Variants in EXT2 observed in about 807,000 individuals in gnomAD.
EXT2 encodes exostosin glycosyltransferase 2.
Under a neutral mutation model 81.6 loss-of-function variants are expected in EXT2, and 53 were observed. That is an observed-to-expected ratio of 0.65 (90% confidence interval 0.52 to 0.82). The LOEUF (loss-of-function observed/expected upper bound fraction) is 0.82, where lower values mean the gene tolerates loss of function less well. Ranked by LOEUF, EXT2 falls within the 40% of genes least tolerant of loss-of-function variation. The pLI is 0.00. For synonymous variants in EXT2, 320 were observed against 340.0 expected (o/e 0.94, Z 0.65); for missense variants, 774 against 910.2 (o/e 0.85, Z 1.93).
intron 7 of EXT2, among the ~76,000 whole-genome samples, chr11:44,157,587 G>T (rs763816514): frequency 3.9e-5 from 6 of 152,184 alleles, no homozygotes; most frequent in Non-Finnish European, 8.8e-5. Context: ...TCGGCTTGTG[G>T]TGAATGCTCT....
chr11:44,163,248 A>G (rs1172750854), intron 7 of EXT2, among the ~76,000 whole-genome samples: 1 of 152,248 alleles, frequency 6.6e-6, no homozygotes, highest in Non-Finnish European at 1.5e-5. Context: ...AAAATGGAGT[A>G]TGTAAAAGAA....
At chr11:44,095,999 C>A (rs1162912890) in intron 1 of EXT2, 147 bp downstream of exon 1, 3 of 533,420 alleles carry the variant, frequency 5.6e-6, no homozygotes, top group Non-Finnish European at 1.0e-5. Flanking sequence ...GAGAGGCCAC[C>A]CCCAGCCCCG....
At chr11:44,232,891 T>C (rs1955915656) in intron 11 of EXT2, among the ~76,000 whole-genome samples, 1 of 152,226 alleles carries the variant, frequency 6.6e-6, no homozygotes, top group Non-Finnish European at 1.5e-5. Context: ...AAACAGTTAC[T>C]TGTTAGCATA....
At chr11:44,111,252 T>TA (rs1001558935) in intron 3 of EXT2, among the ~76,000 whole-genome samples, 6 of 151,524 alleles carry the variant, frequency 4.0e-5, no homozygotes, top group South Asian at 2.1e-4. Context: ...CTCTTTCAAT[T>TA]AAAAAAAAAT....
intron 1 of EXT2, among the ~76,000 whole-genome samples, chr11:44,096,832 C>T (rs542373308): frequency 2.6e-5 from 4 of 152,208 alleles, no homozygotes; most frequent in Non-Finnish European, 5.9e-5. Flanking sequence ...GAAATATGTA[C>T]ATTTAAATTC....
At position 44,227,794 on chromosome 11, in the gene EXT2, G is replaced by A. The variant is rs141897306; in HGVS notation, c.1663-4559G>A. ...TGTTGAGGACCAACAGGTAAGAGGT[G>A]TTGAGGATCCTTCACTAGAATGTAA... On this transcript the variant is annotated intron_variant, in intron 10 of 13. Coordinates refer to ENST00000533608, the MANE Select transcript of EXT2 (RefSeq NM_207122.2). 5.3e-4 allele frequency among the ~76,000 whole-genome samples: 80 copies of A among 152,308 alleles called. 1 individual carries two copies. The East Asian group carries it at 0.015, about 28-fold the overall frequency.
chr11:44,230,955 G>A (rs1008579296), intron 10 of EXT2, among the ~76,000 whole-genome samples: 2 of 152,254 alleles, frequency 1.3e-5, no homozygotes, highest in African/African-American at 4.8e-5. Context: ...TCTGGCATAT[G>A]ATCATATGAC....
At chr11:44,102,540 T>C (rs903429348) in intron 1 of EXT2, among the ~76,000 whole-genome samples, 2 of 149,918 alleles carry the variant, frequency 1.3e-5, no homozygotes, top group African/African-American at 4.9e-5. Context: ...CTCTCTTTTT[T>C]TTTTTTTTTT....
rs1955765344 is a variant in EXT2, at chr11:44,220,033, G to A, written c.1663-12320G>A. Among the ~76,000 whole-genome samples, 1 of 152,198 alleles carries A rather than the reference G, an allele frequency of 6.6e-6. No individual in the cohort carries two copies. Among genetic ancestry groups the A allele is most frequent in the African/African-American group, 2.4e-5 (1 of 41,456 alleles). The stretch of plus-strand genomic sequence containing the variant: ...AAGTCTTTCTTTCTCTTATCTGGAT[G>A]GTGGCCTGTATCCAGAGTGCAGTGT... On this transcript the variant is annotated intron_variant, in intron 10 of 13. Transcript: ENST00000533608. The surrounding 1 kb of genome is among the most constrained non-coding windows in gnomAD (Gnocchi z 4.4).
rs931323778 is a variant in EXT2, at chr11:44,246,780, C to A, written c.*2493C>A. ...TGTTCGTGTATTTCTGAGCTGCTAA[C>A]CAGCAAACCTCACCCATAAGCTTAG... On this transcript the variant is annotated 3_prime_UTR_variant, in exon 14 of 14. Coordinates refer to ENST00000533608, the MANE Select transcript of EXT2 (RefSeq NM_207122.2). Among the ~76,000 whole-genome samples, 5 of 152,220 alleles carry A rather than the reference C, an allele frequency of 3.3e-5. No individual in the cohort carries two copies. The highest frequency in any genetic ancestry group is 1.5e-5 in the Non-Finnish European group (1 of 68,036).
At chr11:44,177,050 C>T (rs768399499) in intron 8 of EXT2, among the ~76,000 whole-genome samples, 9 of 152,152 alleles carry the variant, frequency 5.9e-5, no homozygotes, top group Non-Finnish European at 1.2e-4. Flanking sequence ...ACATTATCCA[C>T]GTTGCACCAC....
chr11:44,183,560 A>G (rs1166277005), intron 8 of EXT2, among the ~76,000 whole-genome samples: 1 of 151,960 alleles, frequency 6.6e-6, no homozygotes, highest in Admixed American at 6.5e-5. Flanking sequence ...CTAGAATTCT[A>G]TTAAATCTTT....
intron 10 of EXT2, among the ~76,000 whole-genome samples, chr11:44,222,760 TA>T (rs879617366): frequency 1.5e-3 from 225 of 146,678 alleles, no homozygotes; most frequent in Non-Finnish European, 2.3e-3. Flanking sequence ...GCATGATCCA[TA>T]AAAAAAAAAA....
At position 44,231,897 on chromosome 11, in the gene EXT2, A is replaced by G. The variant is rs571801332; in HGVS notation, c.1663-456A>G. Among the ~76,000 whole-genome samples the G allele has an allele frequency of 1.6e-4, 25 of 152,322 alleles. No homozygotes were observed. In the East Asian group the frequency reaches 4.8e-3, roughly 30 times the overall value. ...TTCCAGTAGGTCATAAGAATGGTGT[A>G]TGCTCAAGAGAAATAGATGCTTTTT... On this transcript the variant is annotated intron_variant, in intron 10 of 13. Coordinates refer to ENST00000533608, the MANE Select transcript of EXT2 (RefSeq NM_207122.2).
intron 10 of EXT2, among the ~76,000 whole-genome samples, chr11:44,212,119 A>G (rs7106479): frequency 6.7e-4 from 102 of 151,880 alleles, no homozygotes; most frequent in Non-Finnish European, 1.4e-3. Context: ...CCCCATCTCC[A>G]CTAAAAATAC....
chr11:44,230,964 A>G (rs1051956891), intron 10 of EXT2, among the ~76,000 whole-genome samples: 6 of 152,210 alleles, frequency 3.9e-5, no homozygotes, highest in African/African-American at 1.4e-4. Context: ...TGATCATATG[A>G]CTTTTATATA....
intron 1 of EXT2, chr11:44,096,256 T>G: frequency 6.5e-7 from 1 of 1,535,896 alleles, no homozygotes; most frequent in Non-Finnish European, 8.7e-7. Context: ...CAGGGGGATG[T>G]CCTGCGCCTC....
chr11:44,237,902 TAAAAAAAAAAAAAA>T (rs374084527), intron 13 of EXT2, among the ~76,000 whole-genome samples: 117 of 56,386 alleles, frequency 2.1e-3, no homozygotes, highest in African/African-American at 8.0e-3. Context: ...CGTCTCTACT[TAAAAAAAAAAAAAA>T]AAAAAAAAAA....
intron 4 of EXT2, among the ~76,000 whole-genome samples, chr11:44,124,457 A>G (rs1021586585): frequency 1.6e-4 from 24 of 150,362 alleles, no homozygotes; most frequent in Admixed American, 6.6e-4. Flanking sequence ...ACACACACAC[A>G]CACACACACA....
Sources: gnomAD v4.1 joint callset for allele counts (sites outside exome capture counted in the v4.1 genomes callset) on GRCh38, gnomAD v4.1.1 for gene constraint, Gnocchi (gnomAD v3.1) non-coding constraint, MANE v1.5 for transcripts, NCBI Gene and HGNC (gene_info 2026-07-23, HGNC 2026-07-21) for gene names.